Variants in RALGAPB observed in about 807,000 individuals in gnomAD.
The protein encoded by RALGAPB is ral GTPase-activating protein subunit beta.
In RALGAPB, 25 loss-of-function variants were observed where a neutral mutation model predicts 161.1. The ratio of observed to expected loss-of-function variants is 0.16; its 90% CI spans 0.11 to 0.22. The LOEUF (loss-of-function observed/expected upper bound fraction) is 0.22. RALGAPB is among the 10% of genes least tolerant of loss of function. The probability of loss-of-function intolerance (pLI) is 1.00; values close to 1 mark genes in which losing one functional copy is unlikely to be tolerated. For missense variants in RALGAPB, 1,391 were observed against 1,815.2 expected (o/e 0.77, Z 4.25); for synonymous variants, 629 against 626.1 (o/e 1.00, Z -0.07).
chr20:38,501,809 A>T lies in RALGAPB; in HGVS notation c.740+2176A>T, dbSNP rs552417034. 1.9e-4 allele frequency among the ~76,000 whole-genome samples: 29 copies of T among 152,162 alleles called. No homozygotes were observed. The South Asian group carries it at 4.6e-3, about 24-fold the overall frequency. ...TTTTCTCAATTAAAAATAGTGGAAAATTTTTTTTGAAATTTGAGACAATTT... is the reference window on the plus strand; with the variant it reads ...TTTTCTCAATTAAAAATAGTGGAAATTTTTTTTTGAAATTTGAGACAATTT... On this transcript the variant is annotated intron_variant, in intron 5 of 29. Transcript: ENST00000262879.
intron 17 of RALGAPB, 73 bp from the exon 18 acceptor site, chr20:38,540,968 A>G: frequency 6.5e-7 from 1 of 1,530,630 alleles, no homozygotes; most frequent in Non-Finnish European, 8.9e-7. Flanking sequence ...CACTGTTAGC[A>G]TTTGGATGGA....
rs556288052 is a variant in RALGAPB, at chr20:38,552,860, T to A, written c.3163-1007T>A. ...CAAAAGTCCTTGGGATCTGGAAGCA[T>A]AAGTAAAGAATTTGACTGGTGTGGA... On this transcript the variant is annotated intron_variant, in intron 21 of 29. Coordinates refer to ENST00000262879, the MANE Select transcript of RALGAPB (RefSeq NM_020336.4). 7.9e-5 allele frequency among the ~76,000 whole-genome samples: 12 copies of A among 152,304 alleles called. No homozygotes were observed. The East Asian group carries it at 2.3e-3, about 29-fold the overall frequency.
intron 6 of RALGAPB, among the ~76,000 whole-genome samples, chr20:38,514,245 C>G (rs1434160310): frequency 6.6e-6 from 1 of 152,218 alleles, no homozygotes; most frequent in East Asian, 1.9e-4. Context: ...TTTTGATTCT[C>G]TTGTGCATGC....
intron 10 of RALGAPB, among the ~76,000 whole-genome samples, chr20:38,522,818 G>T (rs1005777559): frequency 6.6e-6 from 1 of 152,206 alleles, no homozygotes; most frequent in African/African-American, 2.4e-5. Flanking sequence ...AGAAGCTAGT[G>T]ATATTTATTA....
intron 1 of RALGAPB, among the ~76,000 whole-genome samples, chr20:38,480,327 T>C (rs1353594267): frequency 6.6e-6 from 1 of 151,796 alleles, no homozygotes; most frequent in East Asian, 1.9e-4. Context: ...AGTGCTTTTT[T>C]TTTTTTTGCT....
intron 6 of RALGAPB, among the ~76,000 whole-genome samples, chr20:38,515,170 TCTTA>T (rs1480237405): frequency 6.6e-6 from 1 of 152,184 alleles, no homozygotes; most frequent in Non-Finnish European, 1.5e-5. Flanking sequence ...CCTTCCTCTG[TCTTA>T]CTTGGTGGAC....
At chr20:38,506,293 T>G (rs983250176) in intron 5 of RALGAPB, among the ~76,000 whole-genome samples, 3 of 152,118 alleles carry the variant, frequency 2.0e-5, no homozygotes, top group African/African-American at 7.2e-5. Context: ...TCCTGCTTTT[T>G]TCTTTCCTTT....
chr20:38,517,705 C>A, intron 8 of RALGAPB, 51 bp downstream of exon 8: 1 of 1,607,098 alleles, frequency 6.2e-7, no homozygotes, highest in Non-Finnish European at 8.5e-7. Context: ...GCTTTTTAAT[C>A]TGCCATTCTT....
chr20:38,551,681 A>G lies in RALGAPB; in HGVS notation c.3162+458A>G, dbSNP rs573589632. Among the ~76,000 whole-genome samples the G allele has an allele frequency of 1.3e-4, 20 of 152,358 alleles. No individual in the cohort carries two copies. In the South Asian group the frequency reaches 4.1e-3, roughly 32 times the overall value. ...ATTTCAGATTTTGAGCTTGAGTGAC[A>G]AAGAGATATCAGTGCCATTTACAGA... On this transcript the variant is annotated intron_variant, in intron 21 of 29. Coordinates refer to ENST00000262879, the MANE Select transcript of RALGAPB (RefSeq NM_020336.4).
intron 27 of RALGAPB, 95 bp downstream of exon 27, chr20:38,570,091 GCCAGGAGCTAGT>G (rs2088176937): frequency 1.0e-6 from 1 of 982,798 alleles, no homozygotes; most frequent in African/African-American, 1.6e-5. Context: ...GCCTGGTGTG[GCCAGGAGCTAGT>G]CCTGGAGTTC....
Position 38,570,012 on chromosome 20 carries a change from T to A in RALGAPB, c.4063+16T>A. ...GATGATATAGGTACTGTATGAGGAC[T>A]TTGTCCATAAATAAAATGGCAATAT... On this transcript the variant is annotated intron_variant, in intron 27 of 29. Coordinates refer to ENST00000262879, the MANE Select transcript of RALGAPB (RefSeq NM_020336.4). 1 of 1,584,126 alleles carries A rather than the reference T, an allele frequency of 6.3e-7. No individual in the cohort carries two copies. The highest frequency in any genetic ancestry group is 8.7e-7 in the Non-Finnish European group (1 of 1,153,390).
At chr20:38,567,755 AG>A (rs762819375) in intron 26 of RALGAPB, among the ~76,000 whole-genome samples, 1 of 152,194 alleles carries the variant, frequency 6.6e-6, no homozygotes, top group Non-Finnish European at 1.5e-5. Context: ...TCAGAAGTGT[AG>A]GAAGATTGAC....
chr20:38,478,933 T>G (rs2084885052), intron 1 of RALGAPB, among the ~76,000 whole-genome samples: 1 of 152,148 alleles, frequency 6.6e-6, no homozygotes, highest in Non-Finnish European at 1.5e-5. Context: ...GTATTTTTAG[T>G]AGAGATGAGG....
chr20:38,529,993 T>C (rs1030866123), intron 13 of RALGAPB, among the ~76,000 whole-genome samples: 1 of 152,174 alleles, frequency 6.6e-6, no homozygotes, highest in Non-Finnish European at 1.5e-5. Flanking sequence ...CAACTCAGCT[T>C]TTTCTTGTAA....
intron 28 of RALGAPB, among the ~76,000 whole-genome samples, chr20:38,572,462 T>C (rs7271966): frequency 0.13 from 19,338 of 152,214 alleles, 3,415 homozygotes; most frequent in African/African-American, 0.4. Flanking sequence ...TACCTGAATC[T>C]AGGCCTTTGA....
At chr20:38,552,039 G>A (rs2087391768) in intron 21 of RALGAPB, among the ~76,000 whole-genome samples, 1 of 152,096 alleles carries the variant, frequency 6.6e-6, no homozygotes. Context: ...TTGAGGGACA[G>A]GCAGTGAATA....
chr20:38,487,292 G>C (rs1035892936), intron 1 of RALGAPB, among the ~76,000 whole-genome samples: 11 of 151,946 alleles, frequency 7.2e-5, no homozygotes, highest in African/African-American at 2.7e-4. Context: ...GCAAGGTAGT[G>C]TATGCAATTC....
chr20:38,571,638 G>C (rs913095594), intron 28 of RALGAPB, among the ~76,000 whole-genome samples: 5 of 152,142 alleles, frequency 3.3e-5, no homozygotes, highest in Admixed American at 6.6e-5. Context: ...CCATATCTTA[G>C]CTATTGTGAA....
At chr20:38,479,772 TAACTTGACAGTTA>T (rs2122818997) in intron 1 of RALGAPB, among the ~76,000 whole-genome samples, 1 of 152,324 alleles carries the variant, frequency 6.6e-6, no homozygotes, top group South Asian at 2.1e-4. Flanking sequence ...CTTAATCATC[TAACTTGACAGTTA>T]TATCATTATA....
Sources: allele counts gnomAD v4.1 joint callset (sites outside exome capture counted in the v4.1 genomes callset), GRCh38; gene constraint gnomAD v4.1.1; transcripts MANE v1.5; gene names NCBI Gene and HGNC (gene_info 2026-07-23, HGNC 2026-07-21).